Variants in GLG1 observed in about 807,000 individuals in gnomAD.
The protein encoded by GLG1 is Golgi apparatus protein 1.
GLG1 carries 38 observed loss-of-function variants against 160.5 expected under a neutral mutation model. That is an observed-to-expected ratio of 0.24 (90% confidence interval 0.18 to 0.31). GLG1 has a LOEUF of 0.31. Ranked by LOEUF, GLG1 falls within the 10% of genes least tolerant of loss-of-function variation. The probability of loss-of-function intolerance (pLI) is 1.00; values close to 1 mark genes in which losing one functional copy is unlikely to be tolerated. For missense variants in GLG1, 1,373 were observed against 1,505.2 expected, an observed-to-expected ratio of 0.91 and a Z score of 1.45; for synonymous variants, 644 against 543.4, an observed-to-expected ratio of 1.19 and a Z score of -2.57.
chr16:74,498,448 G>GTGTATATATATA (rs1491436581), intron 4 of GLG1, among the ~76,000 whole-genome samples: 20 of 24,034 alleles, frequency 8.3e-4, no homozygotes, highest in South Asian at 2.1e-3. Context: ...AAAAAAAAAA[G>GTGTATATATATA]TATATATATA....
chr16:74,517,360 T>A (rs1480355305), intron 2 of GLG1, among the ~76,000 whole-genome samples: 1 of 152,194 alleles, frequency 6.6e-6, no homozygotes, highest in African/African-American at 2.4e-5. Flanking sequence ...CACCATCAAG[T>A]TGGCTTCATC....
At chr16:74,486,083 T>C (rs968449873) in intron 8 of GLG1, among the ~76,000 whole-genome samples, 166 bp from the exon 9 acceptor site, 3 of 152,236 alleles carry the variant, frequency 2.0e-5, no homozygotes, top group Non-Finnish European at 4.4e-5. Context: ...CAAATACTTT[T>C]CCAACTGGTT....
intron 1 of GLG1, among the ~76,000 whole-genome samples, chr16:74,571,564 G>C (rs940823019): frequency 1.3e-4 from 19 of 151,684 alleles, no homozygotes; most frequent in African/African-American, 4.1e-4. Flanking sequence ...TGAGGCAAGA[G>C]AATCGCTCGT....
chr16:74,542,741 GGAAGGAAGGAAGGA>G (rs2017919007), intron 1 of GLG1, among the ~76,000 whole-genome samples: 1 of 9,692 alleles, frequency 1.0e-4, no homozygotes, highest in African/African-American at 3.1e-4. Context: ...AAGGGAGGAA[GGAAGGAAGGAAGGA>G]AGGAAGGAAG....
At chr16:74,456,590 T>C (rs2014550020) in intron 25 of GLG1, 59 bp downstream of exon 25, 1 of 1,002,064 alleles carries the variant, frequency 1.0e-6, no homozygotes, top group Non-Finnish European at 1.6e-6. Context: ...ACATGCAAAT[T>C]GGTGAAGTGT....
chr16:74,584,689 C>T (rs1304545320), intron 1 of GLG1, among the ~76,000 whole-genome samples: 1 of 151,988 alleles, frequency 6.6e-6, no homozygotes, highest in African/African-American at 2.4e-5. Context: ...GAGGCTGAGG[C>T]GGGTGGTCAC....
chr16:74,583,447 C>A (rs1184380931), intron 1 of GLG1, among the ~76,000 whole-genome samples: 1 of 152,184 alleles, frequency 6.6e-6, no homozygotes, highest in African/African-American at 2.4e-5. Context: ...ATAGCGTGAT[C>A]TTGGCTCACT....
chr16:74,453,960 C>T (rs1207787223), intron 25 of GLG1, among the ~76,000 whole-genome samples: 4 of 151,574 alleles, frequency 2.6e-5, no homozygotes, highest in African/African-American at 7.3e-5. Flanking sequence ...CAACCTCTAC[C>T]TCTCAGGTTT....
chr16:74,533,049 G>A (rs1331917793), intron 1 of GLG1, among the ~76,000 whole-genome samples: 1 of 152,200 alleles, frequency 6.6e-6, no homozygotes, highest in Non-Finnish European at 1.5e-5. Context: ...GGCAGGGCAC[G>A]GTGGCTCACG....
intron 19 of GLG1, among the ~76,000 whole-genome samples, chr16:74,464,843 A>T (rs572480403): frequency 3.8e-4 from 57 of 151,174 alleles, no homozygotes; most frequent in Middle Eastern, 3.4e-3. Flanking sequence ...TTTAAAAAAA[A>T]TTTTTTTTTT....
rs58759187 is a variant in GLG1 at position 74,454,666 on chromosome 16, C to CAAAAAAAA, written c.3373-1340_3373-1333dup. ...GGGCAACAGGACGAGAATCCGTCCC[C>CAAAAAAAA]AAAAAAAAAAAAAAAAAAAAAAAAA... is the stretch of plus-strand genomic sequence containing the variant. On this transcript the variant is annotated intron_variant, in intron 25 of 25. Transcript: ENST00000422840. Among the ~76,000 whole-genome samples the CAAAAAAAA allele has an allele frequency of 1.0e-4, 4 of 38,530 alleles. No individual in the cohort carries two copies. In the South Asian group the frequency reaches 4.3e-3, roughly 42 times the overall value. The allele number at this position is 38,530 out of a possible 152,430, so 25.3% of individuals were successfully genotyped here. A position where few individuals can be genotyped will look rare whatever the true frequency, so the allele number is the denominator to read the frequency against.
chr16:74,548,757 A>G (rs8051489), intron 1 of GLG1, among the ~76,000 whole-genome samples: 150,679 of 152,216 alleles, frequency 0.99, 74,613 homozygotes, highest in East Asian at 1. Context: ...GCACTTTGTG[A>G]GGCTGAGACA....
chr16:74,605,898 G>C (rs1280303085), intron 1 of GLG1, among the ~76,000 whole-genome samples: 2 of 152,118 alleles, frequency 1.3e-5, no homozygotes, highest in African/African-American at 2.4e-5. Context: ...ATTAAACCTA[G>C]ATTATAAATT....
chr16:74,490,504 C>T (rs922060060), intron 8 of GLG1, among the ~76,000 whole-genome samples: 18 of 152,242 alleles, frequency 1.2e-4, no homozygotes, highest in Middle Eastern at 3.2e-3. Context: ...GACATGCTCT[C>T]TTGATCCTTC....
At chr16:74,558,923 C>T (rs1567523098) in intron 1 of GLG1, among the ~76,000 whole-genome samples, 3 of 152,134 alleles carry the variant, frequency 2.0e-5, no homozygotes, top group Non-Finnish European at 2.9e-5. Flanking sequence ...GGTCTCACTC[C>T]GTCACCCAGG....
chr16:74,491,111 C>T lies in GLG1; in HGVS notation c.1339G>A (p.Glu447Lys). Residue 447 changes from glutamate to lysine, a missense_variant, in exon 8 of 26, where the codon GAG (glutamate) becomes AAG (lysine). By Grantham distance (56) the Glu-to-Lys change is moderately conservative. This residue lies in a region of GLG1 where 386 missense variants were observed against 388.5 expected (regional missense o/e 0.99). Coordinates refer to ENST00000422840, the MANE Select transcript of GLG1 (RefSeq NM_001145667.2). ...SPEIILSCRGEIEHHCSGLHR... is the reference protein window; with the variant it reads ...SPEIILSCRGKIEHHCSGLHR... Reference sequence around the variant, plus strand: ...AATCCGGAACAATGGTGTTCAATCTCCCCCCGACAGCTTAGGATGATCTCA... The same window carrying T: ...AATCCGGAACAATGGTGTTCAATCTTCCCCCGACAGCTTAGGATGATCTCA... 6.2e-7 allele frequency: 1 copy of T among 1,613,620 alleles called. No homozygotes were observed. Among genetic ancestry groups the T allele is most frequent in the South Asian group, 1.1e-5 (1 of 91,064 alleles).
intron 1 of GLG1, among the ~76,000 whole-genome samples, chr16:74,597,410 G>A (rs1461687101): frequency 1.4e-5 from 2 of 140,822 alleles, no homozygotes; most frequent in African/African-American, 5.3e-5. Context: ...CAGCCTGGAT[G>A]ACAGAGTGAG....
In GLG1 at chr16:74,540,062, A is replaced by AT. The variant is rs1567512152; in HGVS notation, c.439-7910dup. ...TATATATATATTATATATATTTTAT[A>AT]TATATATATTATATATATTTTATAT... On this transcript the variant is annotated intron_variant, in intron 1 of 25. Coordinates refer to ENST00000422840, the MANE Select transcript of GLG1 (RefSeq NM_001145667.2). Among the ~76,000 whole-genome samples, 3 of 4,406 alleles carry AT rather than the reference A, an allele frequency of 6.8e-4. 1 individual carries two copies. Among genetic ancestry groups the AT allele is most frequent in the African/African-American group, 2.1e-3 (3 of 1,424 alleles). 2.9% of individuals were successfully genotyped at this position (4,406 alleles called of 152,430 possible). A position where few individuals can be genotyped will look rare whatever the true frequency, so the allele number is the denominator to read the frequency against.
At chr16:74,601,505 G>A (rs1170560309) in intron 1 of GLG1, among the ~76,000 whole-genome samples, 1 of 151,866 alleles carries the variant, frequency 6.6e-6, no homozygotes, top group African/African-American at 2.4e-5. Flanking sequence ...TCATTTGTTA[G>A]TTAATGGCAC....
Sources: allele counts gnomAD v4.1 joint callset (sites outside exome capture counted in the v4.1 genomes callset), GRCh38; gene constraint gnomAD v4.1.1; regional missense constraint gnomAD v4.1.1; transcripts MANE v1.5; gene names NCBI Gene and HGNC (gene_info 2026-07-23, HGNC 2026-07-21).